FKTN: variants seen among roughly 807,000 people sequenced by gnomAD.
The protein encoded by FKTN is fukutin.
Under a neutral mutation model 58.6 loss-of-function variants are expected in FKTN, and 47 were observed. The observed-to-expected ratio is 0.80, with a 90% CI of 0.63 to 1.02. FKTN has a LOEUF of 1.02. Ranked by LOEUF, FKTN falls within the 50% of genes least tolerant of loss-of-function variation. FKTN has a pLI of 0.00. For synonymous variants in FKTN, 178 were observed against 191.9 expected (o/e 0.93, Z 0.60); for missense variants, 516 against 537.3 (o/e 0.96, Z 0.39).
chr9:105,563,783 C>T (rs907745760), intron 1 of FKTN, among the ~76,000 whole-genome samples: 1 of 152,220 alleles, frequency 6.6e-6, no homozygotes, highest in African/African-American at 2.4e-5. Context: ...ATGTTCCTGT[C>T]TGACAGCTTG....
In FKTN at chr9:105,596,650, C is replaced by T. The variant is rs1826856837; in HGVS notation, c.158C>T (p.Thr53Ile). The T allele has an allele frequency of 6.2e-7, 1 of 1,604,262 alleles. No homozygotes were observed. The highest frequency in any genetic ancestry group is 8.5e-7 in the Non-Finnish European group (1 of 1,171,260). ...SKGSRIGFDSTQWRAVKKFIM... is the reference protein window; with the variant it reads ...SKGSRIGFDSIQWRAVKKFIM... ...GGAAGCCGAATTGGATTTGATAGCA[C>T]ACAGTGGGTATGTAGAATAAACAAG... The change falls in exon 4 of 11, where the codon ACA becomes ATA. Residue 53 changes from threonine to isoleucine, a missense_variant. Thr to Ile is a moderately conservative substitution (Grantham distance 89, BLOSUM62 -1). Coordinates refer to ENST00000357998, the MANE Select transcript of FKTN (RefSeq NM_001079802.2).
intron 1 of FKTN, among the ~76,000 whole-genome samples, chr9:105,560,514 T>A (rs1416571972): frequency 1.3e-5 from 2 of 152,180 alleles, no homozygotes; most frequent in African/African-American, 4.8e-5. Flanking sequence ...AAATAATATA[T>A]GCTTATACAA....
At chr9:105,629,983 A>G (rs898415156) in intron 10 of FKTN, among the ~76,000 whole-genome samples, 32 of 152,170 alleles carry the variant, frequency 2.1e-4, no homozygotes, top group African/African-American at 7.5e-4. Flanking sequence ...TATAGGTGGG[A>G]ATTGAACAAT....
chr9:105,590,079 G>C (rs1379293531), intron 3 of FKTN, among the ~76,000 whole-genome samples: 1 of 152,184 alleles, frequency 6.6e-6, no homozygotes, highest in African/African-American at 2.4e-5. Flanking sequence ...TGGCCACTTT[G>C]ATGAGAATAG....
In FKTN at chr9:105,638,628, G is replaced by A. The variant is rs1211142918; in HGVS notation, c.*3364G>A. On this transcript the variant is annotated 3_prime_UTR_variant, in exon 11 of 11. Transcript: ENST00000357998. ...TAAGGGACCTTTCCCTGGTAGTAGT[G>A]GTCTCATTCACAAAAAAGAATAATA... The A allele has an allele frequency of 1.0e-6, 1 of 984,756 alleles. No homozygotes were observed. Among genetic ancestry groups the A allele is most frequent in the Non-Finnish European group, 1.2e-6 (1 of 829,682 alleles). The allele number at this position is 984,756 out of a possible 1,614,324, so 61.0% of individuals were successfully genotyped here.
intron 1 of FKTN, among the ~76,000 whole-genome samples, chr9:105,570,890 G>A (rs1840621878): frequency 6.6e-6 from 1 of 152,122 alleles, no homozygotes; most frequent in East Asian, 1.9e-4. Flanking sequence ...GAACATTGCA[G>A]ACAAGAGGTA....
rs1415096596 is a variant in FKTN, at chr9:105,637,325, CT to C, written c.*2062del. 1.0e-6 allele frequency: 1 copy of C among 985,100 alleles called. No homozygotes were observed. Among genetic ancestry groups the C allele is most frequent in the Non-Finnish European group, 1.2e-6 (1 of 829,814 alleles). The allele number at this position is 985,100 out of a possible 1,614,324, so 61.0% of individuals were successfully genotyped here. ...CTGAAGTACAAAGTCTTAAGAGTGT[CT>C]GAAATCCAAGACATCTTGGCCCAAT... On this transcript the variant is annotated 3_prime_UTR_variant, in exon 11 of 11. Coordinates refer to ENST00000357998, the MANE Select transcript of FKTN (RefSeq NM_001079802.2).
intron 3 of FKTN, among the ~76,000 whole-genome samples, chr9:105,578,775 A>T (rs1271705672): frequency 6.6e-6 from 1 of 151,698 alleles, no homozygotes. Context: ...CTCTGGTAGA[A>T]TTCGGCTGTG....
chr9:105,560,653 A>C (rs1295703045), intron 1 of FKTN, among the ~76,000 whole-genome samples: 8 of 152,182 alleles, frequency 5.3e-5, no homozygotes. Flanking sequence ...ACATACATTC[A>C]CAATTTAAGT....
chr9:105,615,137 G>C (rs1830587355), intron 7 of FKTN, 141 bp from the exon 8 acceptor site: 5 of 852,512 alleles, frequency 5.9e-6, no homozygotes, highest in African/African-American at 1.7e-5. Context: ...ACCTGCCTTG[G>C]CTTCCCAAAG....
intron 1 of FKTN, among the ~76,000 whole-genome samples, chr9:105,566,894 CAATA>C (rs1189535473): frequency 1.3e-5 from 2 of 152,168 alleles, no homozygotes; most frequent in Non-Finnish European, 2.9e-5. Flanking sequence ...CAAAAATCCT[CAATA>C]AAATACTGGC....
rs140400382 is a variant in FKTN at position 105,560,845 on chromosome 9, T to C, written c.-181+2680T>C. Among the ~76,000 whole-genome samples, 1,191 of 152,258 alleles carry C rather than the reference T, an allele frequency of 7.8e-3. 18 individuals carry two copies. Among genetic ancestry groups the C allele is most frequent in the African/African-American group, 0.027 (1,112 of 41,554 alleles). On this transcript the variant is annotated intron_variant, in intron 1 of 10. Coordinates refer to ENST00000357998, the MANE Select transcript of FKTN (RefSeq NM_001079802.2). ...GGCTCACGTCTGTAATCTCAGCACT[T>C]TGGGAGGCCAAGGTGGATGGATCAC... is the stretch of plus-strand genomic sequence containing the variant.
chr9:105,586,270 G>T (rs1026213299), intron 3 of FKTN, among the ~76,000 whole-genome samples: 8 of 152,118 alleles, frequency 5.3e-5, no homozygotes. Flanking sequence ...TTTCATAGAC[G>T]GGTAGAATTG....
At chr9:105,630,352 A>C (rs1348631304) in intron 10 of FKTN, among the ~76,000 whole-genome samples, 1 of 152,222 alleles carries the variant, frequency 6.6e-6, no homozygotes, top group Non-Finnish European at 1.5e-5. Context: ...ATTTTCTAGA[A>C]AAATAAATAC....
At chr9:105,583,496 T>C (rs886642252) in intron 3 of FKTN, among the ~76,000 whole-genome samples, 4 of 152,196 alleles carry the variant, frequency 2.6e-5, no homozygotes, top group Non-Finnish European at 5.9e-5. Flanking sequence ...TCCATATGTA[T>C]ATTGGTTCTT....
chr9:105,566,307 A>AGC (rs1564193189), intron 1 of FKTN, among the ~76,000 whole-genome samples: 4 of 151,912 alleles, frequency 2.6e-5, no homozygotes, highest in Non-Finnish European at 4.4e-5. Context: ...ATCAGAGCGG[A>AGC]ACTGCAGGAG....
rs7035783 is a variant in FKTN, at chr9:105,606,779, G to A, written c.648-1040G>A. 0.27 allele frequency among the ~76,000 whole-genome samples: 40,290 copies of A among 150,744 alleles called. 5,669 individuals are homozygous for A. The highest frequency in any genetic ancestry group is 0.31 in the Non-Finnish European group (21,067 of 67,520). On this transcript the variant is annotated intron_variant, in intron 6 of 10. Coordinates refer to ENST00000357998, the MANE Select transcript of FKTN (RefSeq NM_001079802.2). ...TAAAGTCACATATTTGAGAATGACT[G>A]AAAAAGGTATTCGAAACTGAAGTCT...
intron 3 of FKTN, among the ~76,000 whole-genome samples, chr9:105,592,320 A>G (rs899053358): frequency 6.6e-6 from 1 of 152,198 alleles, no homozygotes; most frequent in Non-Finnish European, 1.5e-5. Context: ...CAGCCAGGCC[A>G]GATCTTGAAC....
At chr9:105,609,366 G>A (rs1829500758) in intron 7 of FKTN, among the ~76,000 whole-genome samples, 1 of 151,636 alleles carries the variant, frequency 6.6e-6, no homozygotes, top group Non-Finnish European at 1.5e-5. Context: ...GAACCACTTG[G>A]GAGTAAGATG....
Sources: allele counts gnomAD v4.1 joint callset (sites outside exome capture counted in the v4.1 genomes callset), GRCh38; gene constraint gnomAD v4.1.1; transcripts MANE v1.5; gene names NCBI Gene and HGNC (gene_info 2026-07-23, HGNC 2026-07-21).